FOXN2: variants seen among roughly 807,000 people sequenced by gnomAD.
FOXN2 encodes forkhead box N2, also known as forkhead box protein N2.
FOXN2 carries 19 observed loss-of-function variants against 41.2 expected under a neutral mutation model. That is an observed-to-expected ratio of 0.46 (90% CI 0.32 to 0.68). The LOEUF (loss-of-function observed/expected upper bound fraction) is 0.68. Among genes scored for constraint, FOXN2 ranks in the 30% least tolerant of loss-of-function variants. The pLI, the probability that FOXN2 is intolerant of heterozygous loss-of-function variation, is 0.03. For synonymous variants in FOXN2, 195 were observed against 176.8 expected (o/e 1.10, Z -0.82); for missense variants, 587 against 509.4 (o/e 1.15, Z -1.47).
intron 3 of FOXN2, among the ~76,000 whole-genome samples, chr2:48,347,746 C>G (rs888618294): frequency 6.6e-6 from 1 of 152,084 alleles, no homozygotes; most frequent in Non-Finnish European, 1.5e-5. Context: ...GGATTAATTC[C>G]TTTTGCCTGG....
chr2:48,343,027 A>G (rs1005419514), intron 2 of FOXN2, among the ~76,000 whole-genome samples: 2 of 152,232 alleles, frequency 1.3e-5, no homozygotes, highest in African/African-American at 4.8e-5. Context: ...AATAGTTATC[A>G]GGAGACTGAT....
chr2:48,329,755 T>C (rs142906722), intron 2 of FOXN2, among the ~76,000 whole-genome samples: 1,969 of 152,294 alleles, frequency 0.013, 17 homozygotes, highest in Middle Eastern at 0.02. Flanking sequence ...TAGACATTAT[T>C]TATAATGGAG....
intron 3 of FOXN2, among the ~76,000 whole-genome samples, chr2:48,351,216 C>A (rs951567020): frequency 1.3e-5 from 2 of 151,978 alleles, no homozygotes; most frequent in Non-Finnish European, 2.9e-5. Context: ...CCTGTCTCAG[C>A]CTCCCAAAGT....
chr2:48,369,833 AAAAAAT>A (rs1672771305), intron 5 of FOXN2, among the ~76,000 whole-genome samples: 1 of 151,924 alleles, frequency 6.6e-6, no homozygotes, highest in Non-Finnish European at 1.5e-5. Flanking sequence ...ATATCTCTAC[AAAAAAT>A]AAAAATAAAA....
At chr2:48,336,124 C>T (rs1419749931) in intron 2 of FOXN2, among the ~76,000 whole-genome samples, 1 of 151,762 alleles carries the variant, frequency 6.6e-6, no homozygotes. Flanking sequence ...TTTATTGTTG[C>T]TTGGCACGGT....
intron 5 of FOXN2, among the ~76,000 whole-genome samples, chr2:48,365,608 A>G (rs1455838982): frequency 1.3e-5 from 2 of 152,198 alleles, no homozygotes; most frequent in Non-Finnish European, 2.9e-5. Flanking sequence ...ACTAGGGCAC[A>G]GGTACTTCTT....
intron 1 of FOXN2, among the ~76,000 whole-genome samples, chr2:48,325,001 A>T (rs569397524): frequency 2.6e-5 from 4 of 152,324 alleles, no homozygotes; most frequent in Non-Finnish European, 4.4e-5. Flanking sequence ...AAAAGCAAGC[A>T]TATAGAGAAA....
At chr2:48,350,434 C>T (rs1671378363) in intron 3 of FOXN2, among the ~76,000 whole-genome samples, 3 of 152,216 alleles carry the variant, frequency 2.0e-5, no homozygotes, top group Admixed American at 2.0e-4. Context: ...ATGGGGATAG[C>T]TAGGTTTTAT....
chr2:48,329,634 G>C (rs562768045), intron 2 of FOXN2, among the ~76,000 whole-genome samples: 2 of 152,068 alleles, frequency 1.3e-5, no homozygotes, highest in Non-Finnish European at 2.9e-5. Flanking sequence ...TAATGCTTCA[G>C]TTCTCCTGGA....
At position 48,314,783 on chromosome 2, in the gene FOXN2, G is replaced by A. The variant is rs1225054790; in HGVS notation, c.-188G>A. The A allele has an allele frequency of 6.6e-6, 1 of 152,214 alleles. No homozygotes were observed. The highest frequency in any genetic ancestry group is 2.4e-5 in the African/African-American group (1 of 41,444). The allele number at this position is 152,214 out of a possible 1,614,324, so 9.4% of individuals were successfully genotyped here. On this transcript the variant is annotated 5_prime_UTR_variant, in exon 1 of 7. Coordinates refer to ENST00000340553, the MANE Select transcript of FOXN2 (RefSeq NM_002158.4). Reference sequence around the variant, plus strand: ...TGCTCTGCCATATTGTGTCTTCCCCGGCCGGTCCCTCGCCTCCCGGCCGAG... The same window carrying A: ...TGCTCTGCCATATTGTGTCTTCCCCAGCCGGTCCCTCGCCTCCCGGCCGAG...
At chr2:48,351,923 A>G (rs1671474315) in intron 3 of FOXN2, among the ~76,000 whole-genome samples, 1 of 152,240 alleles carries the variant, frequency 6.6e-6, no homozygotes, top group Non-Finnish European at 1.5e-5. Flanking sequence ...AAAGGGCAAT[A>G]GTATATTCTG....
intron 5 of FOXN2, among the ~76,000 whole-genome samples, chr2:48,364,437 G>A (rs1672394181): frequency 2.0e-5 from 3 of 151,938 alleles, no homozygotes; most frequent in Non-Finnish European, 2.9e-5. Context: ...TTTTTTTAAT[G>A]CCACATATGT....
intron 3 of FOXN2, among the ~76,000 whole-genome samples, chr2:48,355,393 G>A (rs1008303572): frequency 4.6e-5 from 7 of 152,052 alleles, no homozygotes; most frequent in Non-Finnish European, 8.8e-5. Context: ...TATAGAAATG[G>A]TAATATATTG....
chr2:48,356,487 T>G (rs989818874), intron 3 of FOXN2, among the ~76,000 whole-genome samples: 5 of 152,216 alleles, frequency 3.3e-5, no homozygotes, highest in Non-Finnish European at 7.3e-5. Flanking sequence ...TTTCTAAATT[T>G]TTATAAAGCC....
At chr2:48,350,738 G>A (rs911442001) in intron 3 of FOXN2, among the ~76,000 whole-genome samples, 1 of 152,216 alleles carries the variant, frequency 6.6e-6, no homozygotes, top group Non-Finnish European at 1.5e-5. Flanking sequence ...AGCACCAGAT[G>A]GAGGCCAGTG....
chr2:48,330,304 T>A (rs774013067), intron 2 of FOXN2, among the ~76,000 whole-genome samples: 1 of 152,110 alleles, frequency 6.6e-6, no homozygotes, highest in Non-Finnish European at 1.5e-5. Context: ...GAGAGGAAAA[T>A]TGAATGGAAA....
At chr2:48,325,388 GTACTAGC>G (rs1331966432) in intron 1 of FOXN2, among the ~76,000 whole-genome samples, 1 of 152,120 alleles carries the variant, frequency 6.6e-6, no homozygotes, top group East Asian at 1.9e-4. Context: ...ATTTATGAAA[GTACTAGC>G]TCTTTCATTT....
intron 2 of FOXN2, among the ~76,000 whole-genome samples, chr2:48,344,850 C>G (rs1004100487): frequency 6.8e-6 from 1 of 147,692 alleles, no homozygotes; most frequent in Non-Finnish European, 1.5e-5. Context: ...ACCCCCCCCC[C>G]CCAATTATTT....
At position 48,374,994 on chromosome 2, in the gene FOXN2, G is replaced by A; in HGVS notation, c.847G>A (p.Ala283Thr). ...SYGNAFHHPS[A>T]VRLQESDSLA... ...CGGCAATGCATTTCATCATCCCAGT[G>A]CTGTACGATTACAAGAGAGTGATTC... Residue 283 changes from alanine (A) to threonine (T), a missense_variant, in exon 7 of 7, where the codon GCT becomes ACT. Coordinates refer to ENST00000340553, the MANE Select transcript of FOXN2 (RefSeq NM_002158.4). 6 of 1,613,982 alleles carry A rather than the reference G, an allele frequency of 3.7e-6. No individual in the cohort carries two copies. The highest frequency in any genetic ancestry group is 5.1e-6 in the Non-Finnish European group (6 of 1,179,944).
Sources: gnomAD v4.1 joint callset for allele counts (sites outside exome capture counted in the v4.1 genomes callset) on GRCh38, gnomAD v4.1.1 for gene constraint, MANE v1.5 for transcripts, NCBI Gene and HGNC (gene_info 2026-07-23, HGNC 2026-07-21) for gene names.